The following CCDC25 variants were observed in gnomAD, a reference collection of about 807,000 sequenced individuals.
CCDC25 encodes the protein coiled-coil domain-containing protein 25.
A neutral mutation model predicts 35.3 loss-of-function variants in CCDC25; 16 were observed. The observed-to-expected ratio is 0.45, with a 90% CI of 0.31 to 0.69. The LOEUF is 0.69. Among genes scored for constraint, CCDC25 ranks in the 30% least tolerant of loss-of-function variants. The pLI is 0.06. For synonymous variants in CCDC25, 79 were observed against 80.3 expected (o/e 0.98, Z 0.09); for missense variants, 179 against 250.7 (o/e 0.71, Z 1.93).
rs77290618 is a variant in CCDC25, at chr8:27,756,044, A to G, written c.168+675T>C. ...AAGGTTAGTTTCTTTGTCTTGACAA[A>G]TCTACCATAGTAATATAAGATGTTG... On this transcript the variant is annotated intron_variant, in intron 4 of 8. Transcript: ENST00000356537. Among the ~76,000 whole-genome samples the G allele has an allele frequency of 8.8e-3, 1,340 of 152,328 alleles. 24 individuals are homozygous for G. Among genetic ancestry groups the G allele is most frequent in the African/African-American group, 0.031 (1,277 of 41,578 alleles).
chr8:27,764,561 G>A (rs999010212), intron 2 of CCDC25: 7 of 284,858 alleles, frequency 2.5e-5, no homozygotes, highest in Non-Finnish European at 5.0e-5. Context: ...TTACAGGCGT[G>A]AACCACCATG....
At position 27,767,583 on chromosome 8, in the gene CCDC25, G is replaced by A. The variant is rs370659994; in HGVS notation, c.29-2332C>T. Among the ~76,000 whole-genome samples the A allele has an allele frequency of 7.0e-4, 106 of 152,204 alleles. 1 individual carries two copies. Among genetic ancestry groups the A allele is most frequent in the Middle Eastern group, 6.8e-3 (2 of 292 alleles). ...AAAGACAAAGACTGAGCAATTGCTCGCGATTAGAGGAGGCTACAGAATAAT... is the reference window on the plus strand; with the variant it reads ...AAAGACAAAGACTGAGCAATTGCTCACGATTAGAGGAGGCTACAGAATAAT... On this transcript the variant is annotated intron_variant, in intron 1 of 8. Coordinates refer to ENST00000356537, the MANE Select transcript of CCDC25 (RefSeq NM_018246.3).
At chr8:27,770,749 A>AAAAAC in intron 1 of CCDC25, among the ~76,000 whole-genome samples, 1 of 152,194 alleles carries the variant, frequency 6.6e-6, no homozygotes, top group South Asian at 2.1e-4. Context: ...CCAAAAAAAA[A>AAAAAC]AAAAACAAAA....
chr8:27,757,399 C>A (rs1804048327), intron 3 of CCDC25, among the ~76,000 whole-genome samples: 1 of 152,070 alleles, frequency 6.6e-6, no homozygotes, highest in East Asian at 1.9e-4. Flanking sequence ...TAATGTAACC[C>A]AATAATTCAC....
intron 5 of CCDC25, among the ~76,000 whole-genome samples, chr8:27,750,850 C>A (rs1211474915): frequency 6.6e-6 from 1 of 152,118 alleles, no homozygotes; most frequent in East Asian, 1.9e-4. Context: ...CAAATTTAGC[C>A]CCAAAGCCCT....
intron 7 of CCDC25, among the ~76,000 whole-genome samples, chr8:27,747,018 T>C (rs911321118): frequency 1.3e-5 from 2 of 152,200 alleles, no homozygotes; most frequent in Non-Finnish European, 2.9e-5. Context: ...TTTTGGCATA[T>C]GTATTGCAAA....
chr8:27,757,240 C>T (rs1375255176), intron 3 of CCDC25, among the ~76,000 whole-genome samples: 2 of 152,058 alleles, frequency 1.3e-5, no homozygotes. Context: ...CACAGTTTGG[C>T]GGAAACAGAT....
intron 7 of CCDC25, among the ~76,000 whole-genome samples, chr8:27,745,744 C>A (rs1459822547): frequency 6.6e-6 from 1 of 152,230 alleles, no homozygotes; most frequent in African/African-American, 2.4e-5. Flanking sequence ...CCCGGCACTG[C>A]AGCCCTGTGC....
intron 8 of CCDC25, among the ~76,000 whole-genome samples, chr8:27,740,216 A>G (rs999564239): frequency 1.3e-5 from 2 of 152,224 alleles, no homozygotes; most frequent in African/African-American, 4.8e-5. Flanking sequence ...ATATAAAATG[A>G]ATAGACCTGT....
chr8:27,753,199 T>C (rs967142519), intron 4 of CCDC25, among the ~76,000 whole-genome samples: 7 of 152,168 alleles, frequency 4.6e-5, no homozygotes, highest in African/African-American at 1.7e-4. Context: ...CTTTTACAGA[T>C]GCAGAAACAG....
At chr8:27,750,573 C>T (rs1202042746) in intron 5 of CCDC25, among the ~76,000 whole-genome samples, 1 of 152,142 alleles carries the variant, frequency 6.6e-6, no homozygotes, top group Non-Finnish European at 1.5e-5. Flanking sequence ...GGGAACAATA[C>T]AAGCCAGGTG....
At chr8:27,740,190 G>T (rs1269815834) in intron 8 of CCDC25, among the ~76,000 whole-genome samples, 2 of 152,090 alleles carry the variant, frequency 1.3e-5, no homozygotes, top group African/African-American at 4.8e-5. Flanking sequence ...GGGAAATAAA[G>T]AATAAAGTCC....
chr8:27,745,427 T>C (rs1803571438), intron 7 of CCDC25, among the ~76,000 whole-genome samples: 1 of 152,222 alleles, frequency 6.6e-6, no homozygotes. Context: ...TTATTTCTTC[T>C]GGTTTCGACA....
intron 4 of CCDC25, among the ~76,000 whole-genome samples, chr8:27,755,573 C>T (rs1452076897): frequency 6.6e-6 from 1 of 152,168 alleles, no homozygotes; most frequent in African/African-American, 2.4e-5. Flanking sequence ...TAGTGACTTG[C>T]TTCCAAATAA....
intron 7 of CCDC25, among the ~76,000 whole-genome samples, chr8:27,742,882 CA>C (rs532244471): frequency 6.6e-6 from 1 of 152,020 alleles, no homozygotes; most frequent in African/African-American, 2.4e-5. Context: ...CAAAACAAAA[CA>C]AAAAAACAAA....
intron 8 of CCDC25, among the ~76,000 whole-genome samples, chr8:27,740,170 C>G (rs1181140756): frequency 6.6e-6 from 1 of 152,054 alleles, no homozygotes; most frequent in Non-Finnish European, 1.5e-5. Flanking sequence ...TGCCTGCAAC[C>G]AGAAAAGAGG....
intron 4 of CCDC25, among the ~76,000 whole-genome samples, chr8:27,755,046 T>A (rs1267038274): frequency 2.6e-5 from 4 of 152,108 alleles, no homozygotes; most frequent in Non-Finnish European, 5.9e-5. Context: ...ACATCAGACA[T>A]GACAAGGTTC....
chr8:27,767,866 G>C (rs1228754601), intron 1 of CCDC25, among the ~76,000 whole-genome samples: 1 of 151,882 alleles, frequency 6.6e-6, no homozygotes, highest in Non-Finnish European at 1.5e-5. Context: ...GAAAAAAATA[G>C]AGAAAAAGAG....
At chr8:27,745,854 C>T (rs1803585240) in intron 7 of CCDC25, among the ~76,000 whole-genome samples, 1 of 152,162 alleles carries the variant, frequency 6.6e-6, no homozygotes, top group Admixed American at 6.5e-5. Context: ...TTCTGAGATC[C>T]ATGGAGATTA....
Sources: gnomAD v4.1 joint callset for allele counts (sites outside exome capture counted in the v4.1 genomes callset) on GRCh38, gnomAD v4.1.1 for gene constraint, MANE v1.5 for transcripts, NCBI Gene and HGNC (gene_info 2026-07-23, HGNC 2026-07-21) for gene names.